Variants in KCNMA1 observed in about 807,000 individuals in gnomAD.
KCNMA1 encodes the protein potassium calcium-activated channel subfamily M alpha 1.
A neutral mutation model predicts 140.0 loss-of-function variants in KCNMA1; 29 were observed. That is an observed-to-expected ratio of 0.21 (90% confidence interval 0.15 to 0.28). The LOEUF (loss-of-function observed/expected upper bound fraction) is 0.28. Ranked by LOEUF, KCNMA1 falls within the 10% of genes least tolerant of loss-of-function variation. The pLI is 1.00. For missense variants in KCNMA1, 880 were observed against 1,602.2 expected, an observed-to-expected ratio of 0.55 and a Z score of 7.70; for synonymous variants, 612 against 611.9, an observed-to-expected ratio of 1.00 and a Z score of 0.00.
chr10:77,318,862 G>A (rs1033299919), intron 2 of KCNMA1, among the ~76,000 whole-genome samples: 1 of 152,206 alleles, frequency 6.6e-6, no homozygotes, highest in African/African-American at 2.4e-5. Context: ...ATTGGATGCA[G>A]AACTAGGCAA....
intron 1 of KCNMA1, among the ~76,000 whole-genome samples, chr10:77,543,179 C>A (rs2060597931): frequency 6.6e-6 from 1 of 152,114 alleles, no homozygotes; most frequent in Admixed American, 6.5e-5. Context: ...AGCCCTGGAA[C>A]AGCACATTTA....
intron 26 of KCNMA1, chr10:76,889,828 G>T: frequency 1.9e-6 from 1 of 529,254 alleles, no homozygotes; most frequent in South Asian, 2.0e-5. Context: ...AGTGGGGTTT[G>T]AAAGCTCTAA....
At chr10:77,380,826 C>G (rs984336159) in intron 2 of KCNMA1, among the ~76,000 whole-genome samples, 12 of 152,222 alleles carry the variant, frequency 7.9e-5, no homozygotes, top group Non-Finnish European at 1.3e-4. Context: ...AATGATGCCC[C>G]AAGCATCCAG....
chr10:77,220,738 C>A lies in KCNMA1; in HGVS notation c.602+30457G>T, dbSNP rs146854774. ...CTCTTGGATCTGGTCCTTTTTACCC[C>A]CTTAGCCATATATTCCAGTTTCTGC... On this transcript the variant is annotated intron_variant, in intron 3 of 27. Transcript: ENST00000286628. Among the ~76,000 whole-genome samples the A allele has an allele frequency of 1.2e-3, 178 of 151,240 alleles. 2 individuals are homozygous for A. The highest frequency in any genetic ancestry group is 4.0e-3 in the African/African-American group (166 of 41,304).
intron 1 of KCNMA1, among the ~76,000 whole-genome samples, chr10:77,581,943 C>T (rs1024866353): frequency 1.1e-4 from 16 of 152,220 alleles, no homozygotes; most frequent in Non-Finnish European, 7.3e-5. Context: ...CAGCTGTCAT[C>T]GGTCTCTGAT....
chr10:76,911,441 G>C (rs1403539806), intron 24 of KCNMA1: 2 of 152,184 alleles, frequency 1.3e-5, no homozygotes, highest in Non-Finnish European at 2.9e-5. Flanking sequence ...TCTGACAACT[G>C]GGCTTCAGTC....
chr10:77,576,118 C>A (rs944713284), intron 1 of KCNMA1, among the ~76,000 whole-genome samples: 1 of 152,210 alleles, frequency 6.6e-6, no homozygotes, highest in Non-Finnish European at 1.5e-5. Flanking sequence ...TAGATTCATG[C>A]CCAGGAGGTT....
chr10:77,025,243 T>TAC (rs2093312848), intron 16 of KCNMA1, among the ~76,000 whole-genome samples: 1 of 44,480 alleles, frequency 2.2e-5, no homozygotes, highest in Non-Finnish European at 4.0e-5. Flanking sequence ...GGTGTGTGTG[T>TAC]ATATATATAT....
chr10:76,995,179 G>C (rs1289459207), intron 19 of KCNMA1: 1 of 161,780 alleles, frequency 6.2e-6, no homozygotes, highest in East Asian at 1.8e-4. Context: ...GTTTCTAAAA[G>C]CGTCTTCCCA....
intron 9 of KCNMA1, among the ~76,000 whole-genome samples, chr10:77,097,390 C>T (rs909458178): frequency 8.5e-5 from 13 of 152,090 alleles, no homozygotes; most frequent in African/African-American, 3.1e-4. Context: ...CATCCCTCCA[C>T]CCTACCCCAG....
chr10:77,249,662 C>G (rs2292717), intron 3 of KCNMA1: 1 of 152,098 alleles, frequency 6.6e-6, no homozygotes, highest in East Asian at 1.9e-4. Flanking sequence ...CTGCACCCCA[C>G]GACATGTAAG....
intron 19 of KCNMA1, among the ~76,000 whole-genome samples, chr10:76,982,222 G>A (rs559305321): frequency 7.1e-4 from 108 of 151,770 alleles, no homozygotes; most frequent in Non-Finnish European, 1.1e-3. Context: ...GAACTCATAA[G>A]TTACATAAAT....
intron 1 of KCNMA1, among the ~76,000 whole-genome samples, chr10:77,441,091 G>A (rs1027139096): frequency 3.9e-5 from 6 of 152,008 alleles, no homozygotes; most frequent in Admixed American, 1.3e-4. Flanking sequence ...CCAAAGTGCT[G>A]GGATTACAGG....
intron 1 of KCNMA1, among the ~76,000 whole-genome samples, chr10:77,453,299 C>T (rs1603623914): frequency 6.6e-6 from 1 of 151,970 alleles, no homozygotes; most frequent in East Asian, 1.9e-4. Flanking sequence ...CATCTTCTGA[C>T]ACCCACTGAG....
intron 1 of KCNMA1, among the ~76,000 whole-genome samples, chr10:77,570,237 G>C (rs2070436328): frequency 1.4e-5 from 2 of 147,320 alleles, no homozygotes; most frequent in South Asian, 2.2e-4. Flanking sequence ...CCATTACTGG[G>C]TATATACCCA....
chr10:77,432,222 T>C (rs2097170409), intron 1 of KCNMA1, among the ~76,000 whole-genome samples: 1 of 152,216 alleles, frequency 6.6e-6, no homozygotes, highest in African/African-American at 2.4e-5. Context: ...GGCTTTTTGA[T>C]TGCTTTGCAC....
In KCNMA1 at chr10:77,358,891, G is replaced by A. The variant is rs1026981269; in HGVS notation, c.540+44971C>T. On this transcript the variant is annotated intron_variant, in intron 2 of 27. Coordinates refer to ENST00000286628, the MANE Select transcript of KCNMA1 (RefSeq NM_001161352.2). ...CGGATCCTGCCACCTCATCCCTGTCGTCATCTGTCTAAGTTTTGCTTTAGA... is the reference window on the plus strand; with the variant it reads ...CGGATCCTGCCACCTCATCCCTGTCATCATCTGTCTAAGTTTTGCTTTAGA... 5.3e-5 allele frequency among the ~76,000 whole-genome samples: 8 copies of A among 152,118 alleles called. No individual in the cohort carries two copies. In the South Asian group the frequency reaches 8.3e-4, roughly 16 times the overall value.
chr10:76,941,017 G>GGAAGGAAA (rs1565057943), intron 23 of KCNMA1, among the ~76,000 whole-genome samples: 3 of 54,898 alleles, frequency 5.5e-5, no homozygotes, highest in African/African-American at 8.4e-5. Flanking sequence ...AAGGAAGGAA[G>GGAAGGAAA]GAAGAAAGAA....
At chr10:77,167,412 TGTAA>T (rs1274374155) in intron 5 of KCNMA1, among the ~76,000 whole-genome samples, 1 of 152,182 alleles carries the variant, frequency 6.6e-6, no homozygotes, top group East Asian at 1.9e-4. Context: ...TTCTTGTCCC[TGTAA>T]GCATTTGTGT....
Sources: allele counts gnomAD v4.1 joint callset (sites outside exome capture counted in the v4.1 genomes callset), GRCh38; gene constraint gnomAD v4.1.1; transcripts MANE v1.5; gene names NCBI Gene and HGNC (gene_info 2026-07-23, HGNC 2026-07-21).